The following ADAMTS17 variants were observed in gnomAD, a reference collection of about 807,000 sequenced individuals.
ADAMTS17 encodes A disintegrin and metalloproteinase with thrombospondin motifs 17.
ADAMTS17 carries 113 observed loss-of-function variants against 141.5 expected under a neutral mutation model. The ratio of observed to expected loss-of-function variants is 0.80; its 90% confidence interval spans 0.69 to 0.93. ADAMTS17 has a LOEUF of 0.93. Ranked by LOEUF, ADAMTS17 falls within the 40% of genes least tolerant of loss-of-function variation. The probability of loss-of-function intolerance (pLI) is 0.00; values close to 1 mark genes in which losing one functional copy is unlikely to be tolerated. For synonymous variants in ADAMTS17, 768 were observed against 630.6 expected (o/e 1.22, Z -3.27); for missense variants, 1,659 against 1,517.9 (o/e 1.09, Z -1.54).
chr15:100,016,003 T>A (rs2061281758), intron 18 of ADAMTS17, among the ~76,000 whole-genome samples: 1 of 152,234 alleles, frequency 6.6e-6, no homozygotes, highest in Non-Finnish European at 1.5e-5. Context: ...GGAACACTGA[T>A]TATTCTTAGG....
chr15:100,295,349 T>C (rs922829336), intron 3 of ADAMTS17, among the ~76,000 whole-genome samples: 22 of 152,192 alleles, frequency 1.4e-4, no homozygotes, highest in African/African-American at 4.8e-4. Context: ...GCTGGCTTCC[T>C]GCTGAGCTCT....
At chr15:100,117,049 G>C (rs780532071) in intron 12 of ADAMTS17, 36 bp from the exon 13 acceptor site, 76 of 1,570,072 alleles carry the variant, frequency 4.8e-5, no homozygotes, top group Non-Finnish European at 6.5e-5. Context: ...TAACCAGGTG[G>C]TGCGACCAAA....
chr15:100,290,146 T>C (rs1271927744), intron 3 of ADAMTS17, among the ~76,000 whole-genome samples: 4 of 152,144 alleles, frequency 2.6e-5, no homozygotes, highest in African/African-American at 9.7e-5. Flanking sequence ...CTCCTAGATC[T>C]GATAACTCCA....
chr15:100,114,753 C>T (rs1331909890), intron 13 of ADAMTS17, among the ~76,000 whole-genome samples: 2 of 151,682 alleles, frequency 1.3e-5, no homozygotes, highest in African/African-American at 4.8e-5. Context: ...ATCCAAGTGG[C>T]CCCCCAGAGA....
intron 2 of ADAMTS17, among the ~76,000 whole-genome samples, chr15:100,333,129 C>T (rs2046104912): frequency 6.6e-6 from 1 of 152,150 alleles, no homozygotes; most frequent in Admixed American, 6.5e-5. Flanking sequence ...ACCTCTCTTC[C>T]CTAAATAAAC....
chr15:100,029,115 G>A (rs2029883391), intron 18 of ADAMTS17, among the ~76,000 whole-genome samples: 1 of 152,148 alleles, frequency 6.6e-6, no homozygotes, highest in Non-Finnish European at 1.5e-5. Flanking sequence ...AGCCACCAGG[G>A]TGAACCCCTA....
chr15:100,253,233 A>G (rs550786106), intron 7 of ADAMTS17, among the ~76,000 whole-genome samples: 1 of 150,796 alleles, frequency 6.6e-6, no homozygotes, highest in South Asian at 2.1e-4. Context: ...TTGTGCCTGT[A>G]TTAACCAAAC....
At position 99,997,248 on chromosome 15, in the gene ADAMTS17, G is replaced by T. The variant is rs2060819947; in HGVS notation, c.2796+137C>A. On this transcript the variant is annotated intron_variant, in intron 19 of 21. Coordinates refer to ENST00000268070, the MANE Select transcript of ADAMTS17 (RefSeq NM_139057.4). The surrounding 1 kb of genome is among the most constrained non-coding windows in gnomAD (Gnocchi z 4.7). ...GGCTGTTATCTGAGATGGAAATTAAGAACACATGAGCTATAACACAACTTC... is the reference window on the plus strand; with the variant it reads ...GGCTGTTATCTGAGATGGAAATTAATAACACATGAGCTATAACACAACTTC... 3 of 940,692 alleles carry T rather than the reference G, an allele frequency of 3.2e-6. No individual in the cohort carries two copies. Among genetic ancestry groups the T allele is most frequent in the East Asian group, 4.9e-5 (2 of 41,126 alleles). The allele number at this position is 940,692 out of a possible 1,614,324, so 58.3% of individuals were successfully genotyped here.
At chr15:100,058,201 CCAACACCCCTA>C (rs2141628815) in intron 15 of ADAMTS17, among the ~76,000 whole-genome samples, 2 of 30,368 alleles carry the variant, frequency 6.6e-5, no homozygotes, top group Admixed American at 2.4e-4. Flanking sequence ...TATCCCAGCT[CCAACACCCCTA>C]TTCCGGCTCC....
intron 18 of ADAMTS17, among the ~76,000 whole-genome samples, chr15:100,013,365 A>G (rs2061224319): frequency 6.6e-6 from 1 of 152,128 alleles, no homozygotes; most frequent in Non-Finnish European, 1.5e-5. Context: ...ACCAATTTGG[A>G]TGCCCTTTAT....
chr15:100,341,952 C>A lies in ADAMTS17; in HGVS notation c.-53G>T, dbSNP rs1030786357. 52 of 1,544,238 alleles carry A rather than the reference C, an allele frequency of 3.4e-5. No homozygotes were observed. Among genetic ancestry groups the A allele is most frequent in the Non-Finnish European group, 3.6e-5 (41 of 1,143,908 alleles). On this transcript the variant is annotated 5_prime_UTR_variant, in exon 1 of 22. Transcript: ENST00000268070. ...ACCGTGGCGGCGAAGCAGGAGCGCGCTAGGCGGCGGCGCCAGCCGGAGTGA... is the reference window on the plus strand; with the variant it reads ...ACCGTGGCGGCGAAGCAGGAGCGCGATAGGCGGCGGCGCCAGCCGGAGTGA...
chr15:100,021,328 C>A (rs1398978869), intron 18 of ADAMTS17, among the ~76,000 whole-genome samples: 1 of 152,162 alleles, frequency 6.6e-6, no homozygotes, highest in Non-Finnish European at 1.5e-5. Flanking sequence ...TGGGCGTCAT[C>A]TTGGACTGCT....
At chr15:100,276,783 C>T (rs985101301) in intron 4 of ADAMTS17, among the ~76,000 whole-genome samples, 2 of 152,104 alleles carry the variant, frequency 1.3e-5, no homozygotes, top group African/African-American at 2.4e-5. Context: ...AATCCTTTCC[C>T]GTCCTCCCGG....
At chr15:100,292,130 GCCCGTGGGGAGTCACGAGACACGCTCAC>G (rs1596461870) in intron 3 of ADAMTS17, among the ~76,000 whole-genome samples, 27 of 137,326 alleles carry the variant, frequency 2.0e-4, no homozygotes, top group East Asian at 1.9e-3. Flanking sequence ...GAGACGCTCA[GCCCGTGGGGAGTCACGAGACACGCTCAC>G]CCCGTGGGAA....
chr15:100,206,752 G>A (rs1555482375), intron 7 of ADAMTS17, among the ~76,000 whole-genome samples: 1 of 152,206 alleles, frequency 6.6e-6, no homozygotes, highest in Non-Finnish European at 1.5e-5. Flanking sequence ...AGGGAATCTG[G>A]GAATGGATCG....
At chr15:100,080,889 T>C (rs1162336277) in intron 15 of ADAMTS17, among the ~76,000 whole-genome samples, 1 of 152,228 alleles carries the variant, frequency 6.6e-6, no homozygotes, top group African/African-American at 2.4e-5. Flanking sequence ...GGGGTAATTA[T>C]GACCTTATTA....
At chr15:100,213,724 C>T (rs916289066) in intron 7 of ADAMTS17, among the ~76,000 whole-genome samples, 6 of 152,204 alleles carry the variant, frequency 3.9e-5, no homozygotes, top group Admixed American at 6.5e-5. Context: ...TCCATGCCAA[C>T]ATAACCTTTG....
chr15:100,332,227 T>A (rs2046075544), intron 2 of ADAMTS17, among the ~76,000 whole-genome samples: 2 of 152,338 alleles, frequency 1.3e-5, no homozygotes, highest in South Asian at 4.1e-4. Flanking sequence ...ACAGCTTTCC[T>A]CCCTCTCCTT....
intron 3 of ADAMTS17, among the ~76,000 whole-genome samples, chr15:100,315,070 G>A (rs2045520247): frequency 6.6e-6 from 1 of 152,234 alleles, no homozygotes; most frequent in African/African-American, 2.4e-5. Flanking sequence ...CCTGGGGCAG[G>A]TCCCAGGTGG....
Sources: allele counts gnomAD v4.1 joint callset (sites outside exome capture counted in the v4.1 genomes callset), GRCh38; gene constraint gnomAD v4.1.1; non-coding constraint Gnocchi (gnomAD v3.1); transcripts MANE v1.5; gene names NCBI Gene and HGNC (gene_info 2026-07-23, HGNC 2026-07-21).